ADGRL2: variants seen among roughly 807,000 people sequenced by gnomAD.
ADGRL2 encodes the protein adhesion G protein-coupled receptor L2, also known as calcium-independent alpha-latrotoxin receptor 2.
In ADGRL2, 44 loss-of-function variants were observed where a neutral mutation model predicts 157.4. The ratio of observed to expected loss-of-function variants is 0.28; its 90% CI spans 0.22 to 0.36. The LOEUF (loss-of-function observed/expected upper bound fraction) is 0.36. Ranked by LOEUF, ADGRL2 falls within the 10% of genes least tolerant of loss-of-function variation. The pLI is 1.00. For synonymous variants in ADGRL2, 585 were observed against 624.7 expected (o/e 0.94, Z 0.95); for missense variants, 1,510 against 1,768.9 (o/e 0.85, Z 2.63).
chr1:81,826,253 A>T (rs2149989784), intron 1 of ADGRL2, among the ~76,000 whole-genome samples: 1 of 152,334 alleles, frequency 6.6e-6, no homozygotes, highest in Admixed American at 6.5e-5. Flanking sequence ...TTTCACACTA[A>T]TGCATTTCTT....
chr1:81,647,518 A>T (rs1490064537), intron 3 of ADGRL2, among the ~76,000 whole-genome samples: 1 of 152,098 alleles, frequency 6.6e-6, no homozygotes. Context: ...GAAAAATAAA[A>T]TTACCTTCGG....
At chr1:81,768,479 CTT>C (rs111907751) in intron 2 of ADGRL2, among the ~76,000 whole-genome samples, 6 of 144,162 alleles carry the variant, frequency 4.2e-5, no homozygotes, top group Admixed American at 1.4e-4. Context: ...TGAAGTACCT[CTT>C]TTTTTTTTTT....
At chr1:81,443,492 AT>A (rs1570982087) in intron 1 of ADGRL2, among the ~76,000 whole-genome samples, 1 of 152,020 alleles carries the variant, frequency 6.6e-6, no homozygotes, top group Non-Finnish European at 1.5e-5. Flanking sequence ...TCATATCTTG[AT>A]TAACCTTATT....
intron 3 of ADGRL2, among the ~76,000 whole-genome samples, chr1:81,623,835 C>T (rs1296874158): frequency 6.6e-6 from 1 of 151,986 alleles, no homozygotes; most frequent in Non-Finnish European, 1.5e-5. Context: ...CGGAGTTTCA[C>T]CATGTTGGTC....
At chr1:81,474,125 G>A (rs1045219470) in intron 2 of ADGRL2, among the ~76,000 whole-genome samples, 2 of 152,192 alleles carry the variant, frequency 1.3e-5, no homozygotes, top group Admixed American at 6.5e-5. Context: ...AAGGAGCTTC[G>A]AATTGGATAT....
chr1:81,372,502 T>G (rs1243279453), intron 1 of ADGRL2, among the ~76,000 whole-genome samples: 2 of 152,198 alleles, frequency 1.3e-5, no homozygotes, highest in Non-Finnish European at 2.9e-5. Flanking sequence ...GCTTATCTGT[T>G]GCTGGATCGA....
At chr1:81,704,642 C>T (rs2083676211) in intron 1 of ADGRL2, among the ~76,000 whole-genome samples, 1 of 152,178 alleles carries the variant, frequency 6.6e-6, no homozygotes, top group African/African-American at 2.4e-5. Context: ...TTTCCCAGAT[C>T]CCAAGTCTAA....
intron 2 of ADGRL2, among the ~76,000 whole-genome samples, chr1:81,486,678 T>A (rs914254239): frequency 6.6e-6 from 1 of 152,174 alleles, no homozygotes; most frequent in Non-Finnish European, 1.5e-5. Flanking sequence ...GCCTTCAAAG[T>A]TAGAAAAATC....
At chr1:81,728,884 T>G (rs369117363) in intron 1 of ADGRL2, among the ~76,000 whole-genome samples, 1 of 152,036 alleles carries the variant, frequency 6.6e-6, no homozygotes, top group Non-Finnish European at 1.5e-5. Flanking sequence ...CCACTTCTCT[T>G]GGGGAGGTAA....
At position 81,788,952 on chromosome 1, in the gene ADGRL2, G is replaced by A. The variant is rs558608151; in HGVS notation, c.-101+27100G>A. Among the ~76,000 whole-genome samples the A allele has an allele frequency of 5.9e-5, 9 of 152,222 alleles. No individual in the cohort carries two copies. The South Asian group carries it at 1.2e-3, about 21-fold the overall frequency. On this transcript the variant is annotated intron_variant, in intron 2 of 20. Coordinates refer to the ADGRL2 transcript ENST00000359929. ...AGGATGGTCTCGATCTCCTGACCTC[G>A]TGATCCACCCGCCTTGGCCTCCCAA... is the stretch of plus-strand genomic sequence containing the variant.
rs375025939 is a variant in ADGRL2, at chr1:81,951,044, T to C, written c.1531T>C (p.Ser511Pro). 179 of 1,613,138 alleles carry C rather than the reference T, an allele frequency of 1.1e-4. No individual in the cohort carries two copies. The highest frequency in any genetic ancestry group is 1.4e-4 in the Non-Finnish European group (169 of 1,179,266). Residue 511 changes from serine to proline, a missense_variant, in exon 8 of 24, where the codon TCC (serine) becomes CCC (proline). By Grantham distance (74) the Ser-to-Pro change is moderately conservative (BLOSUM62 -1). Around this residue, in one of 4 missense-constraint regions of ADGRL2, gnomAD observed 325 missense variants for 333.2 expected, o/e 0.98. Coordinates refer to ENST00000686636, the MANE Select transcript of ADGRL2 (RefSeq NM_001366006.2). ...RGTASYLCMISTGTWNPKGPD... is the reference protein window; with the variant it reads ...RGTASYLCMIPTGTWNPKGPD... Reference sequence around the variant, plus strand: ...AACTGCCTCATATCTCTGCATGATTTCCACTGGAACATGGAACCCTAAGGG... The same window carrying C: ...AACTGCCTCATATCTCTGCATGATTCCCACTGGAACATGGAACCCTAAGGG...
intron 1 of ADGRL2, among the ~76,000 whole-genome samples, chr1:81,400,476 C>G (rs926798136): frequency 4.6e-5 from 7 of 152,090 alleles, no homozygotes; most frequent in Non-Finnish European, 7.4e-5. Flanking sequence ...AGACTGGGAA[C>G]AGTACTGGGC....
At chr1:81,930,386 C>CT (rs2148755123) in intron 3 of ADGRL2, among the ~76,000 whole-genome samples, 1 of 152,114 alleles carries the variant, frequency 6.6e-6, no homozygotes, top group East Asian at 1.9e-4. Context: ...TATAAAATGC[C>CT]TTTTTATGCT....
intron 2 of ADGRL2, among the ~76,000 whole-genome samples, chr1:81,565,008 A>C (rs1301218795): frequency 6.6e-6 from 1 of 152,336 alleles, no homozygotes; most frequent in South Asian, 2.1e-4. Flanking sequence ...TTTCTTTCAG[A>C]ATTAAATTTT....
At chr1:81,839,978 A>C (rs1430818219) in intron 2 of ADGRL2, among the ~76,000 whole-genome samples, 1 of 149,182 alleles carries the variant, frequency 6.7e-6, no homozygotes, top group Non-Finnish European at 1.5e-5. Flanking sequence ...CACACATCAC[A>C]GTTCCTTTAT....
rs1217979847 is a variant in ADGRL2, at chr1:81,660,148, T to A, written c.-143+79168T>A. ...GCTTTAAACTTTCCTTTTCTAAATA[T>A]GCCCATTTAAAGCTGTGGAAAATAG... is the stretch of plus-strand genomic sequence containing the variant. On this transcript the variant is annotated intron_variant, in intron 3 of 24. Transcript: ENST00000370721. 2.0e-5 allele frequency among the ~76,000 whole-genome samples: 3 copies of A among 152,310 alleles called. No individual in the cohort carries two copies. In the East Asian group the frequency reaches 5.8e-4, roughly 29 times the overall value.
chr1:81,779,484 A>G (rs1208502134), intron 2 of ADGRL2, among the ~76,000 whole-genome samples: 1 of 152,204 alleles, frequency 6.6e-6, no homozygotes, highest in East Asian at 1.9e-4. Flanking sequence ...TACTAAGGAA[A>G]AGCATTTTCG....
At chr1:81,544,221 C>A (rs1037197491) in intron 2 of ADGRL2, among the ~76,000 whole-genome samples, 1 of 152,066 alleles carries the variant, frequency 6.6e-6, no homozygotes, top group Non-Finnish European at 1.5e-5. Flanking sequence ...CAGGGAGGTA[C>A]AGATTTTATT....
chr1:81,832,854 C>A (rs181413196), intron 1 of ADGRL2, among the ~76,000 whole-genome samples: 57 of 152,286 alleles, frequency 3.7e-4, no homozygotes, highest in African/African-American at 1.3e-3. Context: ...AAGGAAAACT[C>A]CCAGGGGTAA....
Sources: gnomAD v4.1 joint callset for allele counts (sites outside exome capture counted in the v4.1 genomes callset) on GRCh38, gnomAD v4.1.1 for gene constraint, gnomAD v4.1.1 regional missense constraint, MANE v1.5 for transcripts, NCBI Gene and HGNC (gene_info 2026-07-23, HGNC 2026-07-21) for gene names.